JUP: variants seen among roughly 807,000 people sequenced by gnomAD.
JUP encodes junction plakoglobin.
Under a neutral mutation model 71.1 loss-of-function variants are expected in JUP, and 28 were observed. The observed-to-expected ratio is 0.39, with a 90% CI of 0.29 to 0.54. JUP has a LOEUF of 0.54. JUP is among the 20% of genes least tolerant of loss of function. JUP has a pLI of 0.62. For missense variants in JUP, 869 were observed against 1,030.1 expected, an observed-to-expected ratio of 0.84 and a Z score of 2.14; for synonymous variants, 401 against 438.9, an observed-to-expected ratio of 0.91 and a Z score of 1.08.
rs1291516697 is a variant in JUP at position 41,762,156 on chromosome 17, AGAGAGAGAGAGAGAGAGAGAGT to A, written c.1497+805_1497+826del. 3.1e-3 allele frequency among the ~76,000 whole-genome samples: 366 copies of A among 116,374 alleles called. 1 individual carries two copies. The highest frequency in any genetic ancestry group is 0.012 in the South Asian group (40 of 3,374). The allele number at this position is 116,374 out of a possible 152,430, so 76.3% of individuals were successfully genotyped here. A position where few individuals can be genotyped will look rare whatever the true frequency, so the allele number is the denominator to read the frequency against. Reference sequence around the variant, plus strand: ...GAGAGAGAGAGAGAGAGAGAGAGAGAGAGAGAGAGAGAGAGAGAGAGTGTGTGTGTGTGTGTGTGTGTGTGTG... The same window carrying A: ...GAGAGAGAGAGAGAGAGAGAGAGAGAGTGTGTGTGTGTGTGTGTGTGTGTG... On this transcript the variant is annotated intron_variant, in intron 8 of 13. Transcript: ENST00000393931.
chr17:41,756,305 A>T (rs1913733785), intron 12 of JUP, 91 bp from the exon 13 acceptor site: 1 of 1,321,704 alleles, frequency 7.6e-7, no homozygotes, highest in Non-Finnish European at 1.1e-6. Context: ...GATGCTTCTA[A>T]AAGAGGGGGC....
At position 41,765,011 on chromosome 17, in the gene JUP, G is replaced by A. The variant is rs200952834; in HGVS notation, c.966C>T (p.Tyr322=). ...PQALVQIMRN[Y]SYEKLLWTTS... ...TGGTCCAGAGCAGCTTTTCATAACT[G>A]TAGTTACGCATGATCTGCACGAGGG... The change falls in exon 6 of 14, where the codon TAC becomes TAT. Residue 322 remains tyrosine, a synonymous_variant. Coordinates refer to ENST00000393931, the MANE Select transcript of JUP (RefSeq NM_002230.4). 28 of 1,614,072 alleles carry A rather than the reference G, an allele frequency of 1.7e-5. No individual in the cohort carries two copies. The Admixed American group carries it at 4.0e-4, about 23-fold the overall frequency.
chr17:41,771,546 C>A, intron 2 of JUP, 101 bp downstream of exon 2: 1 of 1,106,548 alleles, frequency 9.0e-7, no homozygotes, highest in East Asian at 2.4e-5. Context: ...CCTCCTCCCT[C>A]AGACCAGAGA....
chr17:41,758,309 C>G (rs1555599299), intron 10 of JUP, 90 bp downstream of exon 10: 2 of 1,567,220 alleles, frequency 1.3e-6, no homozygotes, highest in African/African-American at 2.7e-5. Context: ...CTCTTGATAC[C>G]TGGTCCAGGC....
Position 41,755,631 on chromosome 17 carries a change from C to T in JUP, c.*113G>A, listed in dbSNP as rs1913569677. On this transcript the variant is annotated 3_prime_UTR_variant, in exon 14 of 14. Coordinates refer to ENST00000393931, the MANE Select transcript of JUP (RefSeq NM_002230.4). The stretch of plus-strand genomic sequence containing the variant: ...GGGGAAGCTCAGCAGCAAAGGATCC[C>T]CCCAAAAAAGGAGCGCAGGTTTCAG... The T allele has an allele frequency of 3.7e-6, 4 of 1,082,750 alleles. No individual in the cohort carries two copies. The highest frequency in any genetic ancestry group is 3.9e-6 in the Non-Finnish European group (3 of 776,888). The allele number at this position is 1,082,750 out of a possible 1,614,324, so 67.1% of individuals were successfully genotyped here.
In JUP at chr17:41,756,117, C is replaced by T; in HGVS notation, c.2086+58G>A. On this transcript the variant is annotated intron_variant, in intron 13 of 13. Transcript: ENST00000393931. ...GGAGACATAATATTGTCCCCTCACA[C>T]ACACCCACACAGCCGCCCAGGATCT... is the stretch of plus-strand genomic sequence containing the variant. The T allele has an allele frequency of 6.4e-7, 1 of 1,552,406 alleles. No homozygotes were observed. Among genetic ancestry groups the T allele is most frequent in the Non-Finnish European group, 8.9e-7 (1 of 1,127,444 alleles).
At chr17:41,771,370 A>T (rs1268294678) in intron 2 of JUP, 4 of 534,702 alleles carry the variant, frequency 7.5e-6, no homozygotes, top group Admixed American at 3.1e-5. Flanking sequence ...GGCAAGGACT[A>T]TGGCTTTTCC....
At chr17:41,777,846 G>A (rs915426670) in intron 1 of JUP, among the ~76,000 whole-genome samples, 6 of 152,332 alleles carry the variant, frequency 3.9e-5, no homozygotes, top group East Asian at 1.9e-4. Context: ...CAAGTGGCTC[G>A]ACCCAGGGAC....
chr17:41,757,646 T>A lies in JUP; in HGVS notation c.1912A>T (p.Asn638Tyr). 6.2e-7 allele frequency: 1 copy of A among 1,613,706 alleles called. No individual in the cohort carries two copies. Among genetic ancestry groups the A allele is most frequent in the Non-Finnish European group, 8.5e-7 (1 of 1,179,824 alleles). Reference sequence around the variant, plus strand: ...TCCCCCAGCTCACCAGTGCCCTCGTTGCGGGAGTGCAGCAACTCCATGAGT... The same window carrying A: ...TCCCCCAGCTCACCAGTGCCCTCGTAGCGGGAGTGCAGCAACTCCATGAGT... ...APLMELLHSR[N>Y]EGTATYAAAV... Residue 638 changes from asparagine (N) to tyrosine (Y), a missense_variant, in exon 11 of 14, where the codon AAC becomes TAC. Transcript: ENST00000393931.
chr17:41,769,822 A>G (rs527460348), intron 2 of JUP, 145 bp from the exon 3 acceptor site: 5 of 862,618 alleles, frequency 5.8e-6, no homozygotes, highest in Middle Eastern at 3.5e-4. Flanking sequence ...TGGCCATTCT[A>G]CCTCTCACCA....
At chr17:41,756,242 G>C in intron 12 of JUP, 28 bp from the exon 13 acceptor site, 1 of 1,611,928 alleles carries the variant, frequency 6.2e-7, no homozygotes, top group Non-Finnish European at 8.5e-7. Flanking sequence ...AACATGGAGG[G>C]GAGGTTTGAA....
In JUP at chr17:41,767,583, G is replaced by T. The variant is rs1555604620; in HGVS notation, c.708-3C>A. ...ACAGGACCGACTCCACAGGGGAGCT[G>T]GGGGGGTGGGCAGGGGTTAGTACGC... On this transcript the variant is annotated splice_region_variant and splice_polypyrimidine_tract_variant and intron_variant, in intron 4 of 13. Transcript: ENST00000393931. The T allele has an allele frequency of 2.6e-6, 4 of 1,567,308 alleles. No individual in the cohort carries two copies. The highest frequency in any genetic ancestry group is 1.7e-5 in the Admixed American group (1 of 59,370).
chr17:41,776,016 C>T, intron 1 of JUP: 2 of 985,192 alleles, frequency 2.0e-6, no homozygotes, highest in Non-Finnish European at 2.4e-6. Flanking sequence ...CTGCCAAGGA[C>T]AGTCAGCAAT....
At chr17:41,780,773 G>A (rs558500299) in intron 1 of JUP, among the ~76,000 whole-genome samples, 18 of 150,688 alleles carry the variant, frequency 1.2e-4, no homozygotes, top group South Asian at 1.1e-3. Flanking sequence ...TGCCAAAAGC[G>A]GTGGCTCACG....
chr17:41,772,048 C>T (rs113144318), intron 1 of JUP, 186 bp from the exon 2 acceptor site: 8 of 673,316 alleles, frequency 1.2e-5, no homozygotes, highest in African/African-American at 1.1e-4. Flanking sequence ...GGGCTGCCCA[C>T]GACGAGATAC....
intron 1 of JUP, chr17:41,786,157 G>A (rs1469936063): frequency 6.6e-6 from 1 of 152,314 alleles, no homozygotes; most frequent in Non-Finnish European, 1.5e-5. Flanking sequence ...CGCGTGGGGT[G>A]GGGTGAGGGT....
intron 1 of JUP, chr17:41,775,855 C>A (rs545183631): frequency 2.4e-6 from 1 of 416,528 alleles, no homozygotes; most frequent in Admixed American, 6.4e-5. Flanking sequence ...GCACCCCTAC[C>A]CTTCTTTCCT....
chr17:41,765,304 G>A (rs1417798696), intron 5 of JUP, among the ~76,000 whole-genome samples: 2 of 152,034 alleles, frequency 1.3e-5, no homozygotes, highest in African/African-American at 4.8e-5. Flanking sequence ...CCAAAGTGCT[G>A]GGATTACAGA....
chr17:41,755,232 G>A lies in JUP; in HGVS notation c.*512C>T. ...AAGCTTTAGTGGCCAGGGCCACAGG[G>A]GCGGGGAGGGGGTGTCAGGCCCTGG... On this transcript the variant is annotated 3_prime_UTR_variant, in exon 14 of 14. Coordinates refer to ENST00000393931, the MANE Select transcript of JUP (RefSeq NM_002230.4). 3 of 398,832 alleles carry A rather than the reference G, an allele frequency of 7.5e-6. No individual in the cohort carries two copies. The highest frequency in any genetic ancestry group is 1.3e-5 in the Non-Finnish European group (3 of 226,418). The allele number at this position is 398,832 out of a possible 1,614,324, so 24.7% of individuals were successfully genotyped here.
Sources: allele counts gnomAD v4.1 joint callset (sites outside exome capture counted in the v4.1 genomes callset), GRCh38; gene constraint gnomAD v4.1.1; transcripts MANE v1.5; gene names NCBI Gene and HGNC (gene_info 2026-07-23, HGNC 2026-07-21).